LEKR1: variants seen among roughly 807,000 people sequenced by gnomAD.
LEKR1 encodes the protein protein LEKR1.
In LEKR1, 59 loss-of-function variants were observed where a neutral mutation model predicts 72.4. The observed-to-expected ratio is 0.82, with a 90% CI of 0.66 to 1.01. The LOEUF is 1.01. Ranked by LOEUF, LEKR1 falls within the 50% of genes least tolerant of loss-of-function variation. The pLI is 0.00. For missense variants in LEKR1, 728 were observed against 759.2 expected (o/e 0.96, Z 0.48); for synonymous variants, 257 against 263.2 (o/e 0.98, Z 0.23).
chr3:156,848,245 A>G (rs566114585), intron 2 of LEKR1, among the ~76,000 whole-genome samples: 129 of 152,362 alleles, frequency 8.5e-4, no homozygotes, highest in Middle Eastern at 3.4e-3. Flanking sequence ...GTCTTTGCAT[A>G]GGATTGCAGA....
At chr3:157,021,029 G>C (rs1342272294) in intron 10 of LEKR1, among the ~76,000 whole-genome samples, 6 of 152,062 alleles carry the variant, frequency 3.9e-5, no homozygotes, top group Middle Eastern at 3.4e-3. Context: ...CTGATGGCCA[G>C]TGATGATGAG....
intron 5 of LEKR1, among the ~76,000 whole-genome samples, chr3:156,936,119 A>G (rs2108578740): frequency 6.6e-6 from 1 of 152,252 alleles, no homozygotes; most frequent in East Asian, 1.9e-4. Flanking sequence ...AATTTATTAA[A>G]CAAACACTAT....
intron 3 of LEKR1, among the ~76,000 whole-genome samples, chr3:156,865,323 CT>C (rs1259146389): frequency 6.6e-6 from 1 of 151,980 alleles, no homozygotes; most frequent in African/African-American, 2.4e-5. Flanking sequence ...GTTTTCTAGT[CT>C]GTAAAACGGG....
At chr3:156,931,110 A>T (rs552574211) in intron 5 of LEKR1, among the ~76,000 whole-genome samples, 1 of 152,276 alleles carries the variant, frequency 6.6e-6, no homozygotes, top group Admixed American at 6.5e-5. Flanking sequence ...TATCAGTATG[A>T]AAATGAATAG....
At chr3:156,834,221 G>A (rs1180748631) in intron 2 of LEKR1, among the ~76,000 whole-genome samples, 1 of 152,016 alleles carries the variant, frequency 6.6e-6, no homozygotes, top group Non-Finnish European at 1.5e-5. Flanking sequence ...TCTGACACAT[G>A]GGTCCAGATT....
chr3:157,011,836 G>T (rs1449481972), intron 10 of LEKR1, among the ~76,000 whole-genome samples: 2 of 151,916 alleles, frequency 1.3e-5, no homozygotes, highest in African/African-American at 4.8e-5. Context: ...TAAAACCAGG[G>T]AAATAATTCT....
At chr3:156,931,216 C>A (rs1002291747) in intron 5 of LEKR1, among the ~76,000 whole-genome samples, 1 of 152,022 alleles carries the variant, frequency 6.6e-6, no homozygotes, top group Admixed American at 6.6e-5. Context: ...AGTATTCAAT[C>A]AAAAATGACC....
intron 3 of LEKR1, among the ~76,000 whole-genome samples, chr3:156,886,210 A>T: frequency 6.6e-6 from 1 of 151,994 alleles, no homozygotes; most frequent in Non-Finnish European, 1.5e-5. Flanking sequence ...CTGATGCATA[A>T]TATAGTTTGC....
At chr3:156,989,898 A>G (rs933550719) in intron 7 of LEKR1, among the ~76,000 whole-genome samples, 22 of 152,114 alleles carry the variant, frequency 1.4e-4, no homozygotes, top group Admixed American at 1.0e-3. Context: ...TACATGCAAC[A>G]TAGCCCTTTA....
chr3:157,040,164 T>G (rs1241765659), intron 12 of LEKR1, among the ~76,000 whole-genome samples: 1 of 152,226 alleles, frequency 6.6e-6, no homozygotes, highest in African/African-American at 2.4e-5. Flanking sequence ...GAGAAATTTT[T>G]GTATATTTAA....
intron 4 of LEKR1, among the ~76,000 whole-genome samples, chr3:156,926,641 T>G (rs1724742868): frequency 6.6e-6 from 1 of 151,996 alleles, no homozygotes; most frequent in African/African-American, 2.4e-5. Context: ...CACTTTTCCA[T>G]TTCTCCAACT....
Position 157,015,078 on chromosome 3 carries a change from G to A in LEKR1, c.1203+3572G>A, listed in dbSNP as rs1051344571. The stretch of plus-strand genomic sequence containing the variant: ...AAGACAGTGATTCCTGGAAACAGAA[G>A]TCAAACAAGGTGAGCCCTGTGGTTG... On this transcript the variant is annotated intron_variant, in intron 10 of 12. Coordinates refer to ENST00000356539, the MANE Select transcript of LEKR1 (RefSeq NM_001004316.3). 5.9e-5 allele frequency among the ~76,000 whole-genome samples: 9 copies of A among 152,154 alleles called. No individual in the cohort carries two copies. The South Asian group carries it at 1.2e-3, about 21-fold the overall frequency.
At chr3:156,877,271 G>T (rs947709434) in intron 3 of LEKR1, among the ~76,000 whole-genome samples, 5 of 151,966 alleles carry the variant, frequency 3.3e-5, no homozygotes, top group Non-Finnish European at 5.9e-5. Flanking sequence ...AGGGATATTG[G>T]TCTATAGTTT....
chr3:156,996,999 A>G (rs1731632071), intron 9 of LEKR1, among the ~76,000 whole-genome samples: 1 of 151,478 alleles, frequency 6.6e-6, no homozygotes, highest in Non-Finnish European at 1.5e-5. Context: ...TGGGAGGCGG[A>G]GGTTGCAGTG....
intron 4 of LEKR1, 51 bp downstream of exon 4, chr3:156,920,745 C>T: frequency 1.9e-6 from 2 of 1,029,878 alleles, no homozygotes; most frequent in South Asian, 3.4e-5. Context: ...ATGCTTAATA[C>T]TAACTTTGTA....
At chr3:157,011,592 A>T (rs1187063247) in intron 10 of LEKR1, 86 bp downstream of exon 10, 27 of 898,106 alleles carry the variant, frequency 3.0e-5, no homozygotes, top group Non-Finnish European at 4.3e-5. Context: ...TTCCGGATAG[A>T]TTTATTTGCT....
At chr3:157,040,839 T>C (rs1735290999) in intron 12 of LEKR1, among the ~76,000 whole-genome samples, 1 of 152,156 alleles carries the variant, frequency 6.6e-6, no homozygotes, top group South Asian at 2.1e-4. Flanking sequence ...CCCCCAAAAT[T>C]GTGCCAAATA....
At chr3:156,936,679 A>T (rs1476935942) in intron 5 of LEKR1, among the ~76,000 whole-genome samples, 1 of 152,174 alleles carries the variant, frequency 6.6e-6, no homozygotes, top group African/African-American at 2.4e-5. Context: ...AGACCAGAAA[A>T]ATATACTCAA....
chr3:156,847,553 A>G (rs1714776764), intron 2 of LEKR1, among the ~76,000 whole-genome samples: 1 of 152,222 alleles, frequency 6.6e-6, no homozygotes, highest in Non-Finnish European at 1.5e-5. Flanking sequence ...TAATTACAGT[A>G]TTTCATATCT....
Sources: allele counts gnomAD v4.1 joint callset (sites outside exome capture counted in the v4.1 genomes callset), GRCh38; gene constraint gnomAD v4.1.1; transcripts MANE v1.5; gene names NCBI Gene and HGNC (gene_info 2026-07-23, HGNC 2026-07-21).